Variants in LSM14A observed in about 807,000 individuals in gnomAD.
LSM14A encodes protein LSM14 homolog A.
Under a neutral mutation model 52.4 loss-of-function variants are expected in LSM14A, and 14 were observed. The ratio of observed to expected loss-of-function variants is 0.27; its 90% CI spans 0.18 to 0.42. LSM14A has a LOEUF of 0.42. Among genes scored for constraint, LSM14A ranks in the 10% least tolerant of loss-of-function variants. The pLI, the probability that LSM14A is intolerant of heterozygous loss-of-function variation, is 1.00. For missense variants in LSM14A, 417 were observed against 581.8 expected (o/e 0.72, Z 2.91); for synonymous variants, 185 against 200.3 (o/e 0.92, Z 0.64).
chr19:34,195,950 A>T (rs1314207485), intron 2 of LSM14A, among the ~76,000 whole-genome samples: 1 of 152,250 alleles, frequency 6.6e-6, no homozygotes, highest in African/African-American at 2.4e-5. Context: ...GCATGTGCTT[A>T]ACACTAGTGG....
Position 34,184,879 on chromosome 19 carries a change from A to G in LSM14A, c.122-9599A>G, listed in dbSNP as rs546869156. On this transcript the variant is annotated intron_variant, in intron 1 of 9. Coordinates refer to ENST00000544216, the MANE Select transcript of LSM14A (RefSeq NM_015578.4). ...CAGAGACAAGGTTCTTGAGGACACA[A>G]CATTTAAGCTGGGGCCTGACAGATG... Among the ~76,000 whole-genome samples, 21 of 152,340 alleles carry G rather than the reference A, an allele frequency of 1.4e-4. No homozygotes were observed. In the South Asian group the frequency reaches 3.9e-3, roughly 29 times the overall value.
intron 8 of LSM14A, among the ~76,000 whole-genome samples, chr19:34,221,081 C>CTTTTTT (rs34608536): frequency 8.0e-6 from 1 of 124,852 alleles, no homozygotes; most frequent in African/African-American, 3.0e-5. Context: ...AGATAAGATG[C>CTTTTTT]TTTTTTTTTT....
At chr19:34,216,785 A>T (rs1039004332) in intron 6 of LSM14A, among the ~76,000 whole-genome samples, 1 of 152,038 alleles carries the variant, frequency 6.6e-6, no homozygotes, top group Non-Finnish European at 1.5e-5. Context: ...TATGTTCTTG[A>T]GTATTTCCTG....
Position 34,228,128 on chromosome 19 carries a change from G to A in LSM14A, c.*740G>A, listed in dbSNP as rs1013012309. The A allele has an allele frequency of 1.3e-5, 2 of 152,580 alleles. No individual in the cohort carries two copies. The highest frequency in any genetic ancestry group is 2.4e-5 in the African/African-American group (1 of 41,428). The allele number at this position is 152,580 out of a possible 1,614,324, so 9.5% of individuals were successfully genotyped here. ...GTGTCCTTGCAGAAGTTGATGTGCT[G>A]AGCAGCAGCCTTATGGGTGGGTCTT... On this transcript the variant is annotated 3_prime_UTR_variant, in exon 10 of 10. Coordinates refer to ENST00000544216, the MANE Select transcript of LSM14A (RefSeq NM_015578.4).
At chr19:34,215,492 C>A in intron 5 of LSM14A, 104 bp from the exon 6 acceptor site, 1 of 1,172,940 alleles carries the variant, frequency 8.5e-7, no homozygotes, top group Non-Finnish European at 1.3e-6. Context: ...ATTGCACAGG[C>A]TTTGTTTTGG....
chr19:34,219,348 T>C, intron 6 of LSM14A, 43 bp from the exon 7 acceptor site: 1 of 1,400,330 alleles, frequency 7.1e-7, no homozygotes, highest in South Asian at 1.3e-5. Flanking sequence ...AAACCAGCTA[T>C]TACATATTGA....
chr19:34,193,234 C>G, intron 1 of LSM14A, among the ~76,000 whole-genome samples: 1 of 152,220 alleles, frequency 6.6e-6, no homozygotes, highest in East Asian at 1.9e-4. Flanking sequence ...TTCAGTACAG[C>G]CTCAATCTCC....
At chr19:34,205,541 G>C (rs2071634318) in intron 3 of LSM14A, among the ~76,000 whole-genome samples, 1 of 150,854 alleles carries the variant, frequency 6.6e-6, no homozygotes, top group Admixed American at 6.6e-5. Flanking sequence ...GGTTAGCTGG[G>C]CATGGTGGTG....
chr19:34,216,229 T>C (rs952685628), intron 6 of LSM14A, among the ~76,000 whole-genome samples: 1 of 151,892 alleles, frequency 6.6e-6, no homozygotes, highest in African/African-American at 2.4e-5. Flanking sequence ...CTGGCTAACA[T>C]GGTGAAACCC....
At chr19:34,185,537 C>T (rs756099275) in intron 1 of LSM14A, among the ~76,000 whole-genome samples, 1 of 152,058 alleles carries the variant, frequency 6.6e-6, no homozygotes, top group Non-Finnish European at 1.5e-5. Context: ...GCTGGACTGT[C>T]GAATCTTATT....
chr19:34,172,599 G>T lies in LSM14A; in HGVS notation c.-44G>T, dbSNP rs375329712. 2 of 1,524,060 alleles carry T rather than the reference G, an allele frequency of 1.3e-6. No homozygotes were observed. Among genetic ancestry groups the T allele is most frequent in the Non-Finnish European group, 1.8e-6 (2 of 1,137,752 alleles). The allele number at this position is 1,524,060 out of a possible 1,614,324, so 94.4% of individuals were successfully genotyped here. The stretch of plus-strand genomic sequence containing the variant: ...TGCGGAGCGGGCGACAGTGGCGTGG[G>T]ATCTGCCTCTCTGCGAGCAGCTGGG... On this transcript the variant is annotated 5_prime_UTR_variant, in exon 1 of 10. Coordinates refer to ENST00000544216, the MANE Select transcript of LSM14A (RefSeq NM_015578.4).
chr19:34,174,558 T>A (rs1014345329), intron 1 of LSM14A, among the ~76,000 whole-genome samples: 2 of 152,216 alleles, frequency 1.3e-5, no homozygotes, highest in African/African-American at 4.8e-5. Context: ...GGCTATAGGA[T>A]GTATGATGGA....
At chr19:34,182,691 A>G (rs1599662221) in intron 1 of LSM14A, among the ~76,000 whole-genome samples, 1 of 151,154 alleles carries the variant, frequency 6.6e-6, no homozygotes, top group East Asian at 1.9e-4. Flanking sequence ...CAAAAAAAAA[A>G]AAAAAAGCCA....
rs200217267 is a variant in LSM14A at position 34,172,769 on chromosome 19, C to A, written c.121+6C>A. ...CACCGTAGCCCTTGCCAAAGGTACGCGGGACCGGGCCTCAGGGTGGGGGCC... is the reference window on the plus strand; with the variant it reads ...CACCGTAGCCCTTGCCAAAGGTACGAGGGACCGGGCCTCAGGGTGGGGGCC... On this transcript the variant is annotated splice_donor_region_variant and intron_variant, in intron 1 of 9. Coordinates refer to ENST00000544216, the MANE Select transcript of LSM14A (RefSeq NM_015578.4). 2 of 1,566,720 alleles carry A rather than the reference C, an allele frequency of 1.3e-6. No homozygotes were observed. The highest frequency in any genetic ancestry group is 1.2e-5 in the South Asian group (1 of 86,086).
intron 3 of LSM14A, among the ~76,000 whole-genome samples, chr19:34,197,431 C>CTTTTTTTTTTTTTTTTTTTTTTTTGTTTT (rs531343486): frequency 1.6e-5 from 1 of 63,304 alleles, no homozygotes; most frequent in Non-Finnish European, 2.8e-5. Context: ...ATTTCTTTTT[C>CTTTTTTTTTTTTTTTTTTTTTTTTGTTTT]TTTTTTTTTT....
At chr19:34,210,542 G>A (rs1420354228) in intron 4 of LSM14A, among the ~76,000 whole-genome samples, 1 of 152,116 alleles carries the variant, frequency 6.6e-6, no homozygotes, top group African/African-American at 2.4e-5. Context: ...AAAGTGCTGG[G>A]ATTGTAGATG....
intron 3 of LSM14A, among the ~76,000 whole-genome samples, chr19:34,201,855 T>C (rs1279903260): frequency 6.6e-6 from 1 of 152,184 alleles, no homozygotes; most frequent in East Asian, 1.9e-4. Flanking sequence ...AGGGTCTCTT[T>C]CTGTCATCCA....
At chr19:34,188,841 CAT>C (rs950375965) in intron 1 of LSM14A, among the ~76,000 whole-genome samples, 1 of 150,638 alleles carries the variant, frequency 6.6e-6, no homozygotes, top group Admixed American at 6.6e-5. Flanking sequence ...ATATATATAT[CAT>C]ATATATAAGA....
In LSM14A at chr19:34,219,801, G is replaced by C; in HGVS notation, c.1060G>C (p.Glu354Gln). 1.2e-6 allele frequency: 2 copies of C among 1,613,662 alleles called. No individual in the cohort carries two copies. The highest frequency in any genetic ancestry group is 1.7e-6 in the Non-Finnish European group (2 of 1,179,576). ...TQNSEGNADE[E>Q]DPLGPNCYYD... ...AAACAGTGAAGGAAATGCCGATGAA[G>C]AAGATCCACTTGGACCTAATTGCTA... is the stretch of plus-strand genomic sequence containing the variant. The change falls in exon 8 of 10, where the codon GAA becomes CAA. Residue 354 changes from glutamate to glutamine, a missense_variant. Coordinates refer to ENST00000544216, the MANE Select transcript of LSM14A (RefSeq NM_015578.4).
Sources: gnomAD v4.1 joint callset for allele counts (sites outside exome capture counted in the v4.1 genomes callset) on GRCh38, gnomAD v4.1.1 for gene constraint, MANE v1.5 for transcripts, NCBI Gene and HGNC (gene_info 2026-07-23, HGNC 2026-07-21) for gene names.